Variants in MCTP1 observed in about 807,000 individuals in gnomAD.
MCTP1 encodes multiple C2 and transmembrane domain containing 1.
In MCTP1, 69 loss-of-function variants were observed where a neutral mutation model predicts 120.6. The observed-to-expected ratio is 0.57, with a 90% confidence interval of 0.47 to 0.70. The LOEUF (loss-of-function observed/expected upper bound fraction) is 0.70. Ranked by LOEUF, MCTP1 falls within the 30% of genes least tolerant of loss-of-function variation. The probability of loss-of-function intolerance (pLI) is 0.00; values close to 1 mark genes in which losing one functional copy is unlikely to be tolerated. For missense variants in MCTP1, 1,203 were observed against 1,248.8 expected (o/e 0.96, Z 0.55); for synonymous variants, 529 against 493.1 (o/e 1.07, Z -0.96).
chr5:95,192,158 C>T (rs902935487), intron 1 of MCTP1, among the ~76,000 whole-genome samples: 2 of 152,116 alleles, frequency 1.3e-5, no homozygotes, highest in Admixed American at 6.5e-5. Context: ...AAGTTTTTCA[C>T]ATTAACTTAA....
chr5:94,872,479 TA>T (rs141393402), intron 13 of MCTP1, among the ~76,000 whole-genome samples: 5,429 of 152,158 alleles, frequency 0.036, 142 homozygotes, highest in Non-Finnish European at 0.055. Flanking sequence ...AAAATAGAAT[TA>T]TGTTAGAAAA....
intron 1 of MCTP1, among the ~76,000 whole-genome samples, chr5:95,193,021 C>T (rs535787715): frequency 1.3e-5 from 2 of 152,166 alleles, no homozygotes; most frequent in East Asian, 1.9e-4. Context: ...TGGTTTACCT[C>T]GAATGGTCAT....
At chr5:95,095,951 A>T (rs1055699401) in intron 1 of MCTP1, among the ~76,000 whole-genome samples, 1 of 152,020 alleles carries the variant, frequency 6.6e-6, no homozygotes, top group African/African-American at 2.4e-5. Flanking sequence ...GGGAAACGAG[A>T]CCTCCAAGGA....
intron 1 of MCTP1, among the ~76,000 whole-genome samples, chr5:95,189,736 T>A (rs575824354): frequency 1.6e-4 from 24 of 151,950 alleles, no homozygotes; most frequent in Middle Eastern, 6.8e-3. Flanking sequence ...TATATTTCCG[T>A]GAGATACTGT....
intron 1 of MCTP1, among the ~76,000 whole-genome samples, chr5:95,106,670 T>C (rs970679032): frequency 6.6e-6 from 1 of 152,220 alleles, no homozygotes; most frequent in Non-Finnish European, 1.5e-5. Context: ...GGCCAGGCAC[T>C]GCACTAGGTT....
chr5:94,737,668 T>G (rs1180094568), intron 19 of MCTP1, among the ~76,000 whole-genome samples: 1 of 152,194 alleles, frequency 6.6e-6, no homozygotes, highest in African/African-American at 2.4e-5. Flanking sequence ...AAATCTAATT[T>G]GATTCAATTA....
chr5:94,950,921 T>G (rs1820374396), intron 3 of MCTP1, among the ~76,000 whole-genome samples: 2 of 141,774 alleles, frequency 1.4e-5, no homozygotes, highest in African/African-American at 5.3e-5. Context: ...CACTCCAGCC[T>G]GGGCGACAGA....
intron 3 of MCTP1, among the ~76,000 whole-genome samples, chr5:94,951,792 C>T (rs1363270729): frequency 2.6e-5 from 4 of 152,168 alleles, no homozygotes; most frequent in Non-Finnish European, 5.9e-5. Context: ...AAGGTCTTCC[C>T]TTTCGTGGGA....
intron 1 of MCTP1, among the ~76,000 whole-genome samples, chr5:95,266,385 C>T (rs186405222): frequency 9.8e-5 from 15 of 152,302 alleles, no homozygotes; most frequent in Admixed American, 3.9e-4. Flanking sequence ...GAAGAATGCA[C>T]AATTCTGGTT....
chr5:95,214,458 G>A (rs1320871423), intron 1 of MCTP1, among the ~76,000 whole-genome samples: 15 of 152,022 alleles, frequency 9.9e-5, no homozygotes, highest in South Asian at 2.1e-4. Flanking sequence ...TCAGGGTGGC[G>A]ATTCCTCAGG....
chr5:95,030,153 G>T (rs1840013446), intron 1 of MCTP1, among the ~76,000 whole-genome samples: 1 of 152,184 alleles, frequency 6.6e-6, no homozygotes, highest in Non-Finnish European at 1.5e-5. Context: ...TGAACCGGAA[G>T]TCATGAACCC....
At chr5:94,961,117 T>C (rs1405190052) in intron 2 of MCTP1, among the ~76,000 whole-genome samples, 1 of 152,152 alleles carries the variant, frequency 6.6e-6, no homozygotes, top group Non-Finnish European at 1.5e-5. Flanking sequence ...TTCATGTCCT[T>C]TGTAGGGACA....
chr5:94,746,789 T>C (rs1209038470), intron 19 of MCTP1, among the ~76,000 whole-genome samples: 1 of 152,212 alleles, frequency 6.6e-6, no homozygotes, highest in African/African-American at 2.4e-5. Flanking sequence ...AGAAACTGTC[T>C]ACATTCCTTG....
intron 5 of MCTP1, among the ~76,000 whole-genome samples, chr5:94,939,547 G>T (rs1817050057): frequency 6.6e-6 from 1 of 151,954 alleles, no homozygotes; most frequent in Non-Finnish European, 1.5e-5. Flanking sequence ...TAGCAGCATG[G>T]TGTGCAAGGA....
chr5:95,227,479 G>A (rs1406484095), intron 1 of MCTP1, among the ~76,000 whole-genome samples: 5 of 152,152 alleles, frequency 3.3e-5, no homozygotes, highest in African/African-American at 1.2e-4. Flanking sequence ...TCAGAATTCA[G>A]AAAAGATAAA....
intron 1 of MCTP1, among the ~76,000 whole-genome samples, chr5:95,259,342 C>A (rs987109510): frequency 6.6e-6 from 1 of 152,154 alleles, no homozygotes. Flanking sequence ...ACCACCCTTG[C>A]CTTGTGTCAA....
chr5:95,039,091 A>G (rs1841870858), intron 1 of MCTP1, among the ~76,000 whole-genome samples: 2 of 152,162 alleles, frequency 1.3e-5, no homozygotes, highest in South Asian at 4.1e-4. Flanking sequence ...ACCTAACAGA[A>G]TTTTTGTGAA....
chr5:95,074,001 A>G (rs1380260196), intron 1 of MCTP1, among the ~76,000 whole-genome samples: 1 of 152,164 alleles, frequency 6.6e-6, no homozygotes, highest in Non-Finnish European at 1.5e-5. Flanking sequence ...CTATAATCCC[A>G]GCTACTCAGG....
At chr5:95,047,492 TAATAAA>T (rs1232315010) in intron 1 of MCTP1, among the ~76,000 whole-genome samples, 1 of 152,146 alleles carries the variant, frequency 6.6e-6, no homozygotes, top group African/African-American at 2.4e-5. Context: ...GTCAGTGCAC[TAATAAA>T]AATAATGAAC....
Sources: allele counts gnomAD v4.1 joint callset (sites outside exome capture counted in the v4.1 genomes callset), GRCh38; gene constraint gnomAD v4.1.1; transcripts MANE v1.5; gene names NCBI Gene and HGNC (gene_info 2026-07-23, HGNC 2026-07-21).